The following VOPP1 variants were observed in gnomAD, a reference collection of about 807,000 sequenced individuals.
VOPP1 encodes WW domain binding protein VOPP1.
A neutral mutation model predicts 23.5 loss-of-function variants in VOPP1; 8 were observed. That is an observed-to-expected ratio of 0.34 (90% CI 0.20 to 0.61). The LOEUF (loss-of-function observed/expected upper bound fraction) is 0.61, where lower values mean the gene tolerates loss of function less well. Among genes scored for constraint, VOPP1 ranks in the 20% least tolerant of loss-of-function variants. The pLI, the probability that VOPP1 is intolerant of heterozygous loss-of-function variation, is 0.78. For missense variants in VOPP1, 174 were observed against 238.1 expected (o/e 0.73, Z 1.77); for synonymous variants, 83 against 97.3 (o/e 0.85, Z 0.86).
chr7:55,502,103 T>TG (rs374905399), intron 2 of VOPP1, among the ~76,000 whole-genome samples: 33 of 152,376 alleles, frequency 2.2e-4, no homozygotes, highest in Middle Eastern at 6.8e-3. Context: ...GCTTTACACT[T>TG]GTAAGGAAGC....
intron 4 of VOPP1, among the ~76,000 whole-genome samples, chr7:55,477,997 A>G (rs1458267395): frequency 2.0e-5 from 3 of 151,908 alleles, no homozygotes; most frequent in Non-Finnish European, 2.9e-5. Context: ...TTTGGCTACA[A>G]CTCCTCACAG....
chr7:55,448,761 C>T (rs1262486364), intron 4 of VOPP1, among the ~76,000 whole-genome samples: 2 of 152,270 alleles, frequency 1.3e-5, no homozygotes, highest in Non-Finnish European at 2.9e-5. Flanking sequence ...CAGCTCGCTG[C>T]CAGGGCGCTG....
Position 55,518,780 on chromosome 7 carries a change from C to T in VOPP1, c.113+2292G>A, listed in dbSNP as rs139139543. ...AATAAAGAAGGAAGATAAAGCCAGACGCTCTCTTGAAAGTCTACTGTTAAA... is the reference window on the plus strand; with the variant it reads ...AATAAAGAAGGAAGATAAAGCCAGATGCTCTCTTGAAAGTCTACTGTTAAA... On this transcript the variant is annotated intron_variant, in intron 2 of 4. Coordinates refer to ENST00000285279, the MANE Select transcript of VOPP1 (RefSeq NM_030796.5). Among the ~76,000 whole-genome samples, 724 of 150,582 alleles carry T rather than the reference C, an allele frequency of 4.8e-3. 5 individuals are homozygous for T. The highest frequency in any genetic ancestry group is 0.017 in the African/African-American group (693 of 40,518).
intron 4 of VOPP1, among the ~76,000 whole-genome samples, chr7:55,490,914 G>A (rs1304034969): frequency 2.0e-5 from 3 of 152,150 alleles, no homozygotes; most frequent in Middle Eastern, 3.2e-3. Context: ...GGAGTATCTG[G>A]TGGAAAAAAG....
At chr7:55,487,881 C>T (rs1793260656) in intron 4 of VOPP1, among the ~76,000 whole-genome samples, 1 of 152,232 alleles carries the variant, frequency 6.6e-6, no homozygotes, top group Non-Finnish European at 1.5e-5. Flanking sequence ...GCCAGCCCTT[C>T]CTTCCCCCAG....
chr7:55,510,055 A>G (rs147232128), intron 2 of VOPP1, among the ~76,000 whole-genome samples: 1,672 of 152,300 alleles, frequency 0.011, 11 homozygotes, highest in Middle Eastern at 0.02. Context: ...GCCCAATAAT[A>G]AGATGCAGAT....
chr7:55,495,629 T>C (rs1793896588), intron 3 of VOPP1, among the ~76,000 whole-genome samples: 1 of 152,230 alleles, frequency 6.6e-6, no homozygotes, highest in Non-Finnish European at 1.5e-5. Flanking sequence ...TATCCACACC[T>C]CATTATCTGC....
intron 4 of VOPP1, among the ~76,000 whole-genome samples, chr7:55,484,139 T>C (rs815965): frequency 0.31 from 46,851 of 152,134 alleles, 7,950 homozygotes; most frequent in East Asian, 0.52. Context: ...TCCTCTGCCA[T>C]GTTTTGTTTT....
At chr7:55,503,656 C>T (rs772574896) in intron 2 of VOPP1, among the ~76,000 whole-genome samples, 74 of 152,272 alleles carry the variant, frequency 4.9e-4, no homozygotes, top group Admixed American at 1.4e-3. Context: ...GAAGGTGATC[C>T]GGTTACCAAG....
At chr7:55,556,920 C>T (rs1049033404) in intron 1 of VOPP1, among the ~76,000 whole-genome samples, 27 of 152,026 alleles carry the variant, frequency 1.8e-4, no homozygotes, top group African/African-American at 5.8e-4. Context: ...TTAAATATCC[C>T]CTCCCCAAAA....
chr7:55,494,088 T>G (rs2129020981), intron 3 of VOPP1, among the ~76,000 whole-genome samples: 1 of 152,122 alleles, frequency 6.6e-6, no homozygotes, highest in East Asian at 1.9e-4. Flanking sequence ...GGAGGCTCAG[T>G]CCCCATGATG....
chr7:55,546,154 C>T (rs976910172), intron 1 of VOPP1, among the ~76,000 whole-genome samples: 5 of 152,248 alleles, frequency 3.3e-5, no homozygotes, highest in South Asian at 2.1e-4. Flanking sequence ...CACAGATACT[C>T]ACTAAGCACT....
chr7:55,509,554 A>G (rs1794940954), intron 2 of VOPP1, among the ~76,000 whole-genome samples: 1 of 152,196 alleles, frequency 6.6e-6, no homozygotes, highest in Non-Finnish European at 1.5e-5. Context: ...AGGTTCCAAC[A>G]TAGGAATTTT....
intron 1 of VOPP1, among the ~76,000 whole-genome samples, chr7:55,549,116 G>A (rs1797490797): frequency 6.6e-6 from 1 of 152,134 alleles, no homozygotes; most frequent in African/African-American, 2.4e-5. Context: ...AACAGACAAT[G>A]GGCAGTCCAG....
chr7:55,442,313 C>T (rs898499585), intron 4 of VOPP1, among the ~76,000 whole-genome samples: 6 of 152,054 alleles, frequency 3.9e-5, no homozygotes, highest in Admixed American at 6.5e-5. Flanking sequence ...CTACATTCTC[C>T]GAAGGGTGGA....
At chr7:55,558,144 A>T (rs1393133311) in intron 1 of VOPP1, among the ~76,000 whole-genome samples, 1 of 152,190 alleles carries the variant, frequency 6.6e-6, no homozygotes, top group Non-Finnish European at 1.5e-5. Context: ...TGTGCCACAG[A>T]GGTCCTGCAG....
chr7:55,537,538 G>A lies in VOPP1; in HGVS notation c.55-16408C>T, dbSNP rs1333266947. On this transcript the variant is annotated intron_variant, in intron 1 of 4. Coordinates refer to ENST00000285279, the MANE Select transcript of VOPP1 (RefSeq NM_030796.5). ...GCCCGTCCTTCGCATTCTGTTAGGC[G>A]CAAGGATGCAGGCAGCGCACCTCCT... is the stretch of plus-strand genomic sequence containing the variant. The A allele has an allele frequency of 7.8e-6, 12 of 1,535,928 alleles. No homozygotes were observed. In the East Asian group the frequency reaches 1.2e-4, roughly 16 times the overall value.
At position 55,483,148 on chromosome 7, in the gene VOPP1, T is replaced by C. The variant is rs1021425578; in HGVS notation, c.328+9134A>G. Among the ~76,000 whole-genome samples, 8 of 152,142 alleles carry C rather than the reference T, an allele frequency of 5.3e-5. 1 individual carries two copies. Among genetic ancestry groups the C allele is most frequent in the Admixed American group, 2.6e-4 (4 of 15,284 alleles). Reference sequence around the variant, plus strand: ...GCCAGCACAGCCCATCCTTCAATGCTTGTGTCTTCATCAAACCTGTAGCGC... The same window carrying C: ...GCCAGCACAGCCCATCCTTCAATGCCTGTGTCTTCATCAAACCTGTAGCGC... On this transcript the variant is annotated intron_variant, in intron 4 of 4. Coordinates refer to ENST00000285279, the MANE Select transcript of VOPP1 (RefSeq NM_030796.5).
chr7:55,545,905 C>CAA (rs5884420), intron 1 of VOPP1, among the ~76,000 whole-genome samples: 3 of 150,258 alleles, frequency 2.0e-5, no homozygotes, highest in Non-Finnish European at 4.4e-5. Flanking sequence ...CCCAACTCTA[C>CAA]AAAAAAAAAT....
Sources: gnomAD v4.1 joint callset for allele counts (sites outside exome capture counted in the v4.1 genomes callset) on GRCh38, gnomAD v4.1.1 for gene constraint, MANE v1.5 for transcripts, NCBI Gene and HGNC (gene_info 2026-07-23, HGNC 2026-07-21) for gene names.